PPP2R1B: variants seen among roughly 807,000 people sequenced by gnomAD.
PPP2R1B encodes the protein protein phosphatase 2 scaffold subunit Abeta, also known as serine/threonine-protein phosphatase 2A 65 kDa regulatory subunit A beta isoform.
A neutral mutation model predicts 72.7 loss-of-function variants in PPP2R1B; 58 were observed. That is an observed-to-expected ratio of 0.80 (90% CI 0.65 to 0.99). The LOEUF is 0.99. Ranked by LOEUF, PPP2R1B falls within the 50% of genes least tolerant of loss-of-function variation. The probability of loss-of-function intolerance (pLI) is 0.00; values close to 1 mark genes in which losing one functional copy is unlikely to be tolerated. For missense variants in PPP2R1B, 695 were observed against 733.6 expected, an observed-to-expected ratio of 0.95 and a Z score of 0.61; for synonymous variants, 256 against 264.6, an observed-to-expected ratio of 0.97 and a Z score of 0.32.
chr11:111,709,685 T>TA, the PPP2R1B span, among the ~76,000 whole-genome samples: 1 of 152,256 alleles, frequency 6.6e-6, no homozygotes, highest in African/African-American at 2.4e-5. Flanking sequence ...TGTATATTTA[T>TA]ACCCTCTCTT....
chr11:111,766,132 G>T, intron 1 of PPP2R1B, 116 bp downstream of exon 1: 2 of 952,988 alleles, frequency 2.1e-6, no homozygotes, highest in Non-Finnish European at 3.2e-6. Flanking sequence ...TCAAGTTTCT[G>T]CTACGAGTCC....
At position 111,765,377 on chromosome 11, in the gene PPP2R1B, A is replaced by C. The variant is rs1555052723; in HGVS notation, c.122T>G (p.Leu41Arg). 6.2e-7 allele frequency: 1 copy of C among 1,609,550 alleles called. No individual in the cohort carries two copies. The highest frequency in any genetic ancestry group is 8.5e-7 in the Non-Finnish European group (1 of 1,177,898). ...TGTTGATAACTTCTTAATACTGTTG[A>C]GTCGGAGCTTCAGAAAAGAAAGTAG... ...ELRNEDVQLR[L>R]NSIKKLSTIA... The change falls in exon 2 of 15, where the codon CTC becomes CGC. Residue 41 changes from leucine to arginine, a missense_variant. Physicochemically the swap from Leu to Arg is moderately radical, Grantham distance 102. Coordinates refer to ENST00000527614, the MANE Select transcript of PPP2R1B (RefSeq NM_002716.5).
At chr11:111,726,147 GT>G (rs1591654397), downstream of PPP2R1B, 1 of 152,132 alleles carries the variant, frequency 6.6e-6, no homozygotes, top group East Asian at 1.9e-4. Context: ...GAAGGAAGAC[GT>G]TTTCCCAAAA....
At chr11:111,703,357 G>T in the PPP2R1B span, 1 of 1,614,088 alleles carries the variant, frequency 6.2e-7, no homozygotes, top group Non-Finnish European at 8.5e-7. Flanking sequence ...CATCCATCGG[G>T]GAGTTTAATG....
intron 8 of PPP2R1B, 151 bp from the exon 9 acceptor site, chr11:111,753,728 G>T: frequency 1.3e-6 from 1 of 765,926 alleles, no homozygotes; most frequent in Non-Finnish European, 2.0e-6. Flanking sequence ...CCAGGCTCAA[G>T]CACTTCAGCC....
Position 111,738,965 on chromosome 11 carries a change from C to A in PPP2R1B, c.*2631G>T. The A allele has an allele frequency of 1.0e-6, 1 of 983,804 alleles. No individual in the cohort carries two copies. The highest frequency in any genetic ancestry group is 4.7e-5 in the South Asian group (1 of 21,216). The allele number at this position is 983,804 out of a possible 1,614,324, so 60.9% of individuals were successfully genotyped here. ...TAATCAAACAAACAACTGATGTAAG[C>A]TGCCAAGGATGAAAAACAACATTAC... On this transcript the variant is annotated 3_prime_UTR_variant, in exon 15 of 15. Coordinates refer to ENST00000527614, the MANE Select transcript of PPP2R1B (RefSeq NM_002716.5).
chr11:111,749,651 A>T (rs1271815260), intron 10 of PPP2R1B, among the ~76,000 whole-genome samples: 6 of 152,208 alleles, frequency 3.9e-5, no homozygotes, highest in African/African-American at 1.4e-4. Flanking sequence ...GGTCATACAT[A>T]AAGTCTTGAG....
At position 111,741,412 on chromosome 11, in the gene PPP2R1B, G is replaced by C. The variant is rs762384729; in HGVS notation, c.*184C>G. On this transcript the variant is annotated 3_prime_UTR_variant, in exon 15 of 15. Transcript: ENST00000527614. The stretch of plus-strand genomic sequence containing the variant: ...AATAATGATTTAACAAGGAAGACGA[G>C]TAAAAAACAATCCCATTTCATCTTT... 59 of 1,410,268 alleles carry C rather than the reference G, an allele frequency of 4.2e-5. No homozygotes were observed. Among genetic ancestry groups the C allele is most frequent in the Non-Finnish European group, 5.3e-5 (58 of 1,085,986 alleles). 87.4% of individuals were successfully genotyped at this position (1,410,268 alleles called of 1,614,324 possible).
At chr11:111,729,302 G>C (rs557024176) in intron 15 of PPP2R1B, 1 of 152,280 alleles carries the variant, frequency 6.6e-6, no homozygotes, top group African/African-American at 2.4e-5. Context: ...AGCAGTGCTC[G>C]CAGACCCACC....
rs113689753 is a variant in PPP2R1B, at chr11:111,766,170, A to T, written c.114+78T>A. 2.8e-4 allele frequency: 409 copies of T among 1,442,168 alleles called. No homozygotes were observed. The African/African-American group carries it at 4.6e-3, about 16-fold the overall frequency. 89.3% of individuals were successfully genotyped at this position (1,442,168 alleles called of 1,614,324 possible). On this transcript the variant is annotated intron_variant, in intron 1 of 14. Coordinates refer to ENST00000527614, the MANE Select transcript of PPP2R1B (RefSeq NM_002716.5). ...CTCATTCAGTACCTCGGCCACCCCC[A>T]CCGCGACGCAGGCCTTCCCCCTTCT...
intron 10 of PPP2R1B, among the ~76,000 whole-genome samples, chr11:111,749,486 T>A (rs1253708566): frequency 6.6e-6 from 1 of 151,954 alleles, no homozygotes; most frequent in Non-Finnish European, 1.5e-5. Flanking sequence ...GGTTTCACCA[T>A]GTTGGTCAGG....
At chr11:111,717,806 G>A in the PPP2R1B span, among the ~76,000 whole-genome samples, 1 of 152,160 alleles carries the variant, frequency 6.6e-6, no homozygotes, top group East Asian at 1.9e-4. Context: ...CATGAATGGA[G>A]CTGGAAGCCA....
intron 1 of PPP2R1B, 109 bp downstream of exon 1, chr11:111,766,139 G>C: frequency 6.9e-6 from 7 of 1,020,744 alleles, no homozygotes; most frequent in Non-Finnish European, 1.0e-5. Context: ...TCTGCTACGA[G>C]TCCGACTCAT....
chr11:111,729,597 T>C (rs766988485), intron 15 of PPP2R1B: 4 of 152,268 alleles, frequency 2.6e-5, no homozygotes, highest in Non-Finnish European at 4.4e-5. Flanking sequence ...CTTCTAGTGC[T>C]GGAAGAAGCC....
At chr11:111,715,805 T>TC in the PPP2R1B span, among the ~76,000 whole-genome samples, 1 of 142,028 alleles carries the variant, frequency 7.0e-6, no homozygotes, top group Non-Finnish European at 1.5e-5. Flanking sequence ...TTTTTTTTTT[T>TC]TTTTTTTTTT....
At chr11:111,700,137 G>C in the PPP2R1B span, among the ~76,000 whole-genome samples, 1 of 152,224 alleles carries the variant, frequency 6.6e-6, no homozygotes, top group African/African-American at 2.4e-5. Context: ...TTTAATGCAT[G>C]TTGAAGGCAT....
downstream of PPP2R1B, chr11:111,724,146 G>A (rs1007307033): frequency 1.3e-6 from 2 of 1,598,494 alleles, no homozygotes; most frequent in African/African-American, 1.3e-5. Flanking sequence ...CACAGGAATT[G>A]AGGTGGGTCA....
At chr11:111,720,567 C>A in the PPP2R1B span, 1 of 1,614,026 alleles carries the variant, frequency 6.2e-7, no homozygotes, top group Non-Finnish European at 8.5e-7. Flanking sequence ...CCTGAACTTT[C>A]TGGAAGACAA....
At chr11:111,737,629 C>T (rs1357386219), downstream of PPP2R1B, 4 of 1,606,464 alleles carry the variant, frequency 2.5e-6, no homozygotes, top group Non-Finnish European at 3.4e-6. Context: ...CCTCCCAAGC[C>T]CACCTGTGCT....
Sources: gnomAD v4.1 joint callset for allele counts (sites outside exome capture counted in the v4.1 genomes callset) on GRCh38, gnomAD v4.1.1 for gene constraint, MANE v1.5 for transcripts, NCBI Gene and HGNC (gene_info 2026-07-23, HGNC 2026-07-21) for gene names.